The following ULK4 variants were observed in gnomAD, a reference collection of about 807,000 sequenced individuals.
ULK4 encodes unc-51 like kinase 4.
ULK4 carries 133 observed loss-of-function variants against 160.6 expected under a neutral mutation model. The observed-to-expected ratio is 0.83, with a 90% CI of 0.72 to 0.96. ULK4 has a LOEUF of 0.96. ULK4 is among the 40% of genes least tolerant of loss of function. The pLI, the probability that ULK4 is intolerant of heterozygous loss-of-function variation, is 0.00. For missense variants in ULK4, 1,580 were observed against 1,499.5 expected (o/e 1.05, Z -0.89); for synonymous variants, 534 against 539.8 (o/e 0.99, Z 0.15).
chr3:41,787,446 C>T (rs991721265), intron 21 of ULK4, among the ~76,000 whole-genome samples: 1 of 152,160 alleles, frequency 6.6e-6, no homozygotes, highest in African/African-American at 2.4e-5. Context: ...CTTCTACCTC[C>T]TGAGGTGGCA....
At chr3:41,624,511 C>G (rs748941846) in intron 30 of ULK4, among the ~76,000 whole-genome samples, 1 of 152,112 alleles carries the variant, frequency 6.6e-6, no homozygotes, top group Admixed American at 6.5e-5. Flanking sequence ...CTGCATGATG[C>G]GCACGCTGGC....
At chr3:41,320,495 G>T (rs1186171311) in intron 35 of ULK4, among the ~76,000 whole-genome samples, 1 of 152,134 alleles carries the variant, frequency 6.6e-6, no homozygotes, top group African/African-American at 2.4e-5. Flanking sequence ...GGAAGCCACC[G>T]AACTTGCCCG....
At chr3:41,553,844 TTTAG>T (rs1377237407) in intron 32 of ULK4, among the ~76,000 whole-genome samples, 1 of 152,084 alleles carries the variant, frequency 6.6e-6, no homozygotes, top group African/African-American at 2.4e-5. Context: ...ATTATACTCT[TTTAG>T]TTATTTTTAA....
At chr3:41,386,911 C>G (rs1411498050) in intron 35 of ULK4, among the ~76,000 whole-genome samples, 1 of 152,126 alleles carries the variant, frequency 6.6e-6, no homozygotes, top group Non-Finnish European at 1.5e-5. Context: ...TTCCTCAAGG[C>G]TCTTGAGGTG....
chr3:41,493,707 T>A (rs546556124), intron 32 of ULK4, among the ~76,000 whole-genome samples: 5 of 149,888 alleles, frequency 3.3e-5, no homozygotes, highest in African/African-American at 1.2e-4. Flanking sequence ...AAAAAAGAGA[T>A]AAGAATCAAA....
At chr3:41,275,139 C>T (rs1214382283) in intron 35 of ULK4, among the ~76,000 whole-genome samples, 2 of 152,180 alleles carry the variant, frequency 1.3e-5, no homozygotes, top group South Asian at 4.1e-4. Context: ...GAAGAAGTGA[C>T]TTATCTATTA....
intron 35 of ULK4, among the ~76,000 whole-genome samples, chr3:41,256,249 T>A (rs1244413622): frequency 1.3e-5 from 2 of 152,180 alleles, no homozygotes; most frequent in Non-Finnish European, 2.9e-5. Flanking sequence ...ACTCTAAAAT[T>A]TGCAATGGAA....
At chr3:41,764,052 T>A (rs1484660238) in intron 21 of ULK4, among the ~76,000 whole-genome samples, 1 of 152,176 alleles carries the variant, frequency 6.6e-6, no homozygotes. Context: ...GTTTTCAAAG[T>A]ATTCATGGCA....
chr3:41,388,475 C>T (rs909834222), intron 35 of ULK4, among the ~76,000 whole-genome samples: 6 of 152,024 alleles, frequency 3.9e-5, no homozygotes, highest in African/African-American at 1.5e-4. Flanking sequence ...ATGGTATTGC[C>T]TAGGTTTTCA....
intron 34 of ULK4, among the ~76,000 whole-genome samples, chr3:41,442,156 T>C (rs1326687983): frequency 6.6e-6 from 1 of 152,170 alleles, no homozygotes; most frequent in Non-Finnish European, 1.5e-5. Flanking sequence ...AAGTGGACTG[T>C]TAGCTGATGG....
intron 35 of ULK4, among the ~76,000 whole-genome samples, chr3:41,290,408 C>A (rs2079537846): frequency 6.6e-6 from 1 of 152,188 alleles, no homozygotes; most frequent in African/African-American, 2.4e-5. Flanking sequence ...AAAGTCACTT[C>A]CACCAACTGG....
At chr3:41,586,036 T>A (rs2030773887) in intron 31 of ULK4, among the ~76,000 whole-genome samples, 1 of 152,190 alleles carries the variant, frequency 6.6e-6, no homozygotes, top group African/African-American at 2.4e-5. Context: ...GGAACCCCTG[T>A]ACACTGTTAG....
At chr3:41,507,273 T>G (rs773533914) in intron 32 of ULK4, among the ~76,000 whole-genome samples, 1 of 150,366 alleles carries the variant, frequency 6.7e-6, no homozygotes, top group Non-Finnish European at 1.5e-5. Context: ...TTAAATACAT[T>G]TGAAAACCAG....
chr3:41,935,108 C>T (rs959821817), intron 4 of ULK4, among the ~76,000 whole-genome samples: 3 of 149,764 alleles, frequency 2.0e-5, no homozygotes, highest in Non-Finnish European at 4.4e-5. Flanking sequence ...CTCTGCCTCC[C>T]GGATTCAAGC....
At chr3:41,541,527 G>A (rs753568619) in intron 32 of ULK4, among the ~76,000 whole-genome samples, 17 of 151,954 alleles carry the variant, frequency 1.1e-4, no homozygotes, top group Non-Finnish European at 1.5e-4. Flanking sequence ...TTCTGGTCCC[G>A]TATGAAATTT....
At chr3:41,744,036 T>C (rs1466121044) in intron 22 of ULK4, among the ~76,000 whole-genome samples, 1 of 151,924 alleles carries the variant, frequency 6.6e-6, no homozygotes, top group Non-Finnish European at 1.5e-5. Context: ...ATAAGTTATG[T>C]ATGTATATTG....
intron 22 of ULK4, among the ~76,000 whole-genome samples, chr3:41,734,282 A>G (rs2037943696): frequency 6.6e-6 from 1 of 152,176 alleles, no homozygotes; most frequent in Non-Finnish European, 1.5e-5. Flanking sequence ...TGGGTTACTC[A>G]GAAGTTTGGG....
chr3:41,419,636 A>T (rs894970222), intron 34 of ULK4, among the ~76,000 whole-genome samples: 2 of 152,148 alleles, frequency 1.3e-5, no homozygotes, highest in African/African-American at 4.8e-5. Flanking sequence ...AGCACTCTGC[A>T]GAAACTCAGG....
At chr3:41,440,891 T>C (rs1304249160) in intron 34 of ULK4, among the ~76,000 whole-genome samples, 1 of 152,080 alleles carries the variant, frequency 6.6e-6, no homozygotes, top group Admixed American at 6.5e-5. Context: ...TCAAGAAAGT[T>C]TTCCATTTCA....
Sources: gnomAD v4.1 joint callset for allele counts (sites outside exome capture counted in the v4.1 genomes callset) on GRCh38, gnomAD v4.1.1 for gene constraint, MANE v1.5 for transcripts, NCBI Gene and HGNC (gene_info 2026-07-23, HGNC 2026-07-21) for gene names.